XKR4: variants seen among roughly 807,000 people sequenced by gnomAD.
The protein encoded by XKR4 is XK related 4.
A neutral mutation model predicts 53.9 loss-of-function variants in XKR4; 12 were observed. The ratio of observed to expected loss-of-function variants is 0.22; its 90% CI spans 0.14 to 0.36. The LOEUF (loss-of-function observed/expected upper bound fraction) is 0.36, where lower values mean the gene tolerates loss of function less well. Ranked by LOEUF, XKR4 falls within the 10% of genes least tolerant of loss-of-function variation. The probability of loss-of-function intolerance (pLI) is 1.00; values close to 1 mark genes in which losing one functional copy is unlikely to be tolerated. For synonymous variants in XKR4, 354 were observed against 362.4 expected (o/e 0.98, Z 0.26); for missense variants, 799 against 859.5 (o/e 0.93, Z 0.88).
At chr8:55,430,343 G>A (rs1455196674) in intron 2 of XKR4, among the ~76,000 whole-genome samples, 2 of 152,116 alleles carry the variant, frequency 1.3e-5, no homozygotes, top group African/African-American at 2.4e-5. Context: ...ACAAAAACCT[G>A]TGCATCAAAA....
intron 2 of XKR4, among the ~76,000 whole-genome samples, chr8:55,360,558 T>C (rs571513668): frequency 6.6e-6 from 1 of 152,380 alleles, no homozygotes; most frequent in South Asian, 2.1e-4. Flanking sequence ...AAATAATCAA[T>C]AGGCATGAAA....
chr8:55,513,623 G>A (rs1210637758), intron 2 of XKR4, among the ~76,000 whole-genome samples: 2 of 152,190 alleles, frequency 1.3e-5, no homozygotes, highest in African/African-American at 4.8e-5. Context: ...TTTTCAAGAG[G>A]TTTATTCATG....
At chr8:55,365,196 G>C (rs751531668) in intron 2 of XKR4, among the ~76,000 whole-genome samples, 2 of 152,156 alleles carry the variant, frequency 1.3e-5, no homozygotes, top group Non-Finnish European at 2.9e-5. Context: ...GGCTGCAGCC[G>C]GCTCCACTCT....
chr8:55,369,677 T>C (rs945636512), intron 2 of XKR4, among the ~76,000 whole-genome samples: 60 of 152,174 alleles, frequency 3.9e-4, no homozygotes, highest in African/African-American at 1.3e-3. Context: ...TTAATATATA[T>C]TACATTAAAA....
At chr8:55,107,716 C>G (rs1343974087) in intron 1 of XKR4, among the ~76,000 whole-genome samples, 1 of 152,034 alleles carries the variant, frequency 6.6e-6, no homozygotes, top group African/African-American at 2.4e-5. Context: ...GGTAGAAAAA[C>G]TAAGGAGGAT....
chr8:55,451,029 C>T (rs989692830), intron 2 of XKR4: 1 of 552,692 alleles, frequency 1.8e-6, no homozygotes, highest in Admixed American at 2.3e-5. Flanking sequence ...CTTCACCTGC[C>T]GCGCCTGGAA....
intron 2 of XKR4, among the ~76,000 whole-genome samples, chr8:55,416,540 C>G (rs940310156): frequency 6.6e-6 from 1 of 152,130 alleles, no homozygotes; most frequent in Non-Finnish European, 1.5e-5. Context: ...GAAAGTCAGT[C>G]GACATCAATA....
intron 1 of XKR4, among the ~76,000 whole-genome samples, chr8:55,139,808 T>C (rs570332448): frequency 6.6e-6 from 1 of 152,288 alleles, no homozygotes; most frequent in African/African-American, 2.4e-5. Context: ...CCAGCAGATG[T>C]ATTTAAAGTA....
intron 1 of XKR4, among the ~76,000 whole-genome samples, chr8:55,254,075 A>G (rs1040881424): frequency 6.6e-5 from 10 of 151,392 alleles, no homozygotes; most frequent in African/African-American, 2.4e-4. Flanking sequence ...GCTTGGTCGT[A>G]TTTTTCTCTT....
intron 2 of XKR4, among the ~76,000 whole-genome samples, chr8:55,392,972 C>A (rs944520348): frequency 4.6e-5 from 7 of 151,742 alleles, no homozygotes; most frequent in East Asian, 3.9e-4. Flanking sequence ...GCAGGGTAAC[C>A]AAATTCCCCT....
intron 1 of XKR4, among the ~76,000 whole-genome samples, chr8:55,297,914 G>A (rs539745629): frequency 6.6e-6 from 1 of 152,220 alleles, no homozygotes; most frequent in African/African-American, 2.4e-5. Context: ...AAGAAAACAA[G>A]CAATAAGAAC....
chr8:55,444,813 AC>A (rs1473893789), intron 2 of XKR4, among the ~76,000 whole-genome samples: 1 of 152,220 alleles, frequency 6.6e-6, no homozygotes, highest in Non-Finnish European at 1.5e-5. Flanking sequence ...CAGCCCCAAA[AC>A]TCAGCAATTC....
intron 2 of XKR4, among the ~76,000 whole-genome samples, chr8:55,479,882 G>A (rs1291555690): frequency 6.6e-6 from 1 of 152,104 alleles, no homozygotes; most frequent in Non-Finnish European, 1.5e-5. Context: ...ACCAATAACA[G>A]GCTCTGAAAA....
intron 1 of XKR4, among the ~76,000 whole-genome samples, chr8:55,155,011 T>A (rs754542482): frequency 2.0e-5 from 3 of 152,124 alleles, no homozygotes; most frequent in Non-Finnish European, 4.4e-5. Flanking sequence ...TTGTAGCAGT[T>A]CAAGGAGCTC....
intron 2 of XKR4, among the ~76,000 whole-genome samples, chr8:55,506,548 A>G (rs980622363): frequency 1.3e-5 from 2 of 152,194 alleles, no homozygotes; most frequent in Non-Finnish European, 2.9e-5. Context: ...ACCTTGCACC[A>G]TCTTTGTTTA....
At chr8:55,104,205 A>G (rs919119700) in intron 1 of XKR4, among the ~76,000 whole-genome samples, 5 of 152,302 alleles carry the variant, frequency 3.3e-5, no homozygotes, top group Admixed American at 6.5e-5. Context: ...AGAATGAAAT[A>G]GTATGCTCAG....
At chr8:55,443,531 A>G (rs1209810495) in intron 2 of XKR4, among the ~76,000 whole-genome samples, 4 of 7,532 alleles carry the variant, frequency 5.3e-4, no homozygotes, top group African/African-American at 1.2e-3. Context: ...CAGTTACATT[A>G]AAAAAAAAAA....
chr8:55,121,223 G>T (rs1816386110), intron 1 of XKR4, among the ~76,000 whole-genome samples: 1 of 152,178 alleles, frequency 6.6e-6, no homozygotes, highest in Non-Finnish European at 1.5e-5. Flanking sequence ...ATTTATTTGG[G>T]TAGATACCAA....
chr8:55,187,951 C>G (rs950091690), intron 1 of XKR4, among the ~76,000 whole-genome samples: 3 of 152,166 alleles, frequency 2.0e-5, no homozygotes, highest in African/African-American at 7.2e-5. Flanking sequence ...TGAGTTTTCT[C>G]TATGTACTTG....
Sources: allele counts gnomAD v4.1 joint callset (sites outside exome capture counted in the v4.1 genomes callset), GRCh38; gene constraint gnomAD v4.1.1; transcripts MANE v1.5; gene names NCBI Gene and HGNC (gene_info 2026-07-23, HGNC 2026-07-21).